Variants in CNBD1 observed in about 807,000 individuals in gnomAD.
CNBD1 encodes the protein cyclic nucleotide-binding domain-containing protein 1.
Under a neutral mutation model 54.4 loss-of-function variants are expected in CNBD1, and 71 were observed. The ratio of observed to expected loss-of-function variants is 1.30; its 90% CI spans 1.08 to 1.59. The LOEUF (loss-of-function observed/expected upper bound fraction) is 1.59, where lower values mean the gene tolerates loss of function less well. CNBD1 is among the 40% of genes most tolerant of loss of function. The pLI is 0.00. For synonymous variants in CNBD1, 182 were observed against 170.7 expected (o/e 1.07, Z -0.51); for missense variants, 659 against 518.0 (o/e 1.27, Z -2.64).
At chr8:87,187,004 A>G (rs894837888) in intron 4 of CNBD1, among the ~76,000 whole-genome samples, 12 of 152,136 alleles carry the variant, frequency 7.9e-5, no homozygotes, top group Non-Finnish European at 1.3e-4. Context: ...TTCAAGTATC[A>G]ATTTTTCCTA....
Position 87,158,922 on chromosome 8 carries a change from A to G in CNBD1, c.432-47071A>G, listed in dbSNP as rs570570643. On this transcript the variant is annotated intron_variant, in intron 4 of 10. Coordinates refer to ENST00000518476, the MANE Select transcript of CNBD1 (RefSeq NM_173538.3). ...AGAAAATAACATATCTCATTTTCCA[A>G]GCAATTTAATGGTCTTCCAGTTATC... 8.5e-4 allele frequency among the ~76,000 whole-genome samples: 129 copies of G among 152,290 alleles called. 1 individual carries two copies. The highest frequency in any genetic ancestry group is 4.0e-3 in the Admixed American group (61 of 15,296).
At chr8:86,870,646 G>C (rs1467681654) in intron 1 of CNBD1, among the ~76,000 whole-genome samples, 1 of 152,084 alleles carries the variant, frequency 6.6e-6, no homozygotes, top group African/African-American at 2.4e-5. Flanking sequence ...TTCTTTGGTA[G>C]CCAAGGATTA....
At chr8:87,070,730 T>TA (rs1391503775) in intron 4 of CNBD1, among the ~76,000 whole-genome samples, 1 of 151,946 alleles carries the variant, frequency 6.6e-6, no homozygotes, top group Non-Finnish European at 1.5e-5. Context: ...TTAAGGGAAA[T>TA]ACAATCAAAG....
chr8:87,100,425 T>C (rs954567071), intron 4 of CNBD1, among the ~76,000 whole-genome samples: 2 of 152,174 alleles, frequency 1.3e-5, no homozygotes, highest in African/African-American at 2.4e-5. Flanking sequence ...TGTGTGTGTA[T>C]TGTCTCATAG....
chr8:87,345,624 A>C (rs571398081), intron 8 of CNBD1, among the ~76,000 whole-genome samples: 5 of 152,358 alleles, frequency 3.3e-5, no homozygotes, highest in South Asian at 2.1e-4. Context: ...TGTTCAAAAT[A>C]ATGAGAAGTA....
chr8:87,010,924 C>T (rs766876730), intron 4 of CNBD1, among the ~76,000 whole-genome samples: 1 of 151,866 alleles, frequency 6.6e-6, no homozygotes, highest in Non-Finnish European at 1.5e-5. Context: ...TTGTTTTCTT[C>T]TCCTACTAGT....
intron 4 of CNBD1, among the ~76,000 whole-genome samples, chr8:86,999,280 A>T (rs1808944424): frequency 2.0e-5 from 3 of 152,116 alleles, no homozygotes; most frequent in Admixed American, 2.0e-4. Context: ...GGCTGGTAGG[A>T]TCTAGTGACC....
intron 4 of CNBD1, among the ~76,000 whole-genome samples, chr8:86,974,669 G>A (rs1808300739): frequency 6.6e-6 from 1 of 151,844 alleles, no homozygotes; most frequent in Non-Finnish European, 1.5e-5. Flanking sequence ...TTAATAATGT[G>A]CAACATGATT....
At chr8:87,427,470 G>T (rs1446887641) in intron 2 of CNBD1, among the ~76,000 whole-genome samples, 1 of 152,050 alleles carries the variant, frequency 6.6e-6, no homozygotes, top group African/African-American at 2.4e-5. Flanking sequence ...TACCTTAAAA[G>T]TATTAGCGCT....
chr8:87,318,437 T>A (rs1481609130), intron 8 of CNBD1, among the ~76,000 whole-genome samples: 6 of 152,104 alleles, frequency 3.9e-5, no homozygotes, highest in Admixed American at 3.9e-4. Flanking sequence ...TAGGTCTAAT[T>A]TTCCCCACTG....
At chr8:87,276,501 C>G (rs1023382894) in intron 6 of CNBD1, among the ~76,000 whole-genome samples, 1 of 151,636 alleles carries the variant, frequency 6.6e-6, no homozygotes, top group African/African-American at 2.4e-5. Context: ...TAAGGGCAAG[C>G]AAGAAAAAAC....
At chr8:87,047,153 G>T (rs1810213235) in intron 4 of CNBD1, among the ~76,000 whole-genome samples, 1 of 151,998 alleles carries the variant, frequency 6.6e-6, no homozygotes. Context: ...AGATTTCCCG[G>T]GTATGGCACT....
At chr8:86,944,320 G>A (rs1354690579) in intron 4 of CNBD1, among the ~76,000 whole-genome samples, 2 of 152,042 alleles carry the variant, frequency 1.3e-5, no homozygotes, top group African/African-American at 4.8e-5. Flanking sequence ...TGGGACTGTG[G>A]GAACACACAA....
rs1554588018 is a variant in CNBD1 at position 87,411,397 on chromosome 8, C to CATTTATATATATAT, written c.214-17147_214-17146insTTATATATATATAT. Among the ~76,000 whole-genome samples, 3 of 92,412 alleles carry CATTTATATATATAT rather than the reference C, an allele frequency of 3.2e-5. No individual in the cohort carries two copies. In the South Asian group the frequency reaches 1.4e-3, roughly 42 times the overall value. The allele number at this position is 92,412 out of a possible 152,430, so 60.6% of individuals were successfully genotyped here. A position where few individuals can be genotyped will look rare whatever the true frequency, so the allele number is the denominator to read the frequency against. On this transcript the variant is annotated intron_variant, in intron 2 of 7. Coordinates refer to the CNBD1 transcript ENST00000521593. The stretch of plus-strand genomic sequence containing the variant: ...ATAGGCAGGATTAACCTAGCTATAT[C>CATTTATATATATAT]ATATATATATATATATATATATATA...
chr8:87,367,757 C>T (rs941463447), intron 10 of CNBD1, among the ~76,000 whole-genome samples: 1 of 152,074 alleles, frequency 6.6e-6, no homozygotes. Context: ...TAAGTGATAT[C>T]AATGCTCTCT....
chr8:87,310,369 C>A (rs1809240647), intron 8 of CNBD1, among the ~76,000 whole-genome samples: 1 of 151,808 alleles, frequency 6.6e-6, no homozygotes, highest in East Asian at 1.9e-4. Context: ...AAATGCAATC[C>A]CATTTACAAT....
chr8:86,951,628 C>G (rs995398546), intron 4 of CNBD1, among the ~76,000 whole-genome samples: 1 of 119,182 alleles, frequency 8.4e-6, no homozygotes, highest in Non-Finnish European at 1.8e-5. Flanking sequence ...AAGATATTGC[C>G]CCTACCAGTA....
At chr8:87,144,905 G>A (rs1406380521) in intron 4 of CNBD1, among the ~76,000 whole-genome samples, 1 of 151,746 alleles carries the variant, frequency 6.6e-6, no homozygotes, top group Admixed American at 6.6e-5. Flanking sequence ...AGAGTTTTGG[G>A]AGCTAACCAG....
intron 8 of CNBD1, among the ~76,000 whole-genome samples, chr8:87,344,981 C>T (rs117204569): frequency 0.02 from 3,048 of 152,258 alleles, 44 homozygotes; most frequent in Non-Finnish European, 0.029. Flanking sequence ...AGAAACTTCT[C>T]CTTTTGACAC....
Sources: allele counts gnomAD v4.1 joint callset (sites outside exome capture counted in the v4.1 genomes callset), GRCh38; gene constraint gnomAD v4.1.1; transcripts MANE v1.5; gene names NCBI Gene and HGNC (gene_info 2026-07-23, HGNC 2026-07-21).